The following FLRT1 variants were observed in gnomAD, a reference collection of about 807,000 sequenced individuals.
FLRT1 encodes the protein leucine-rich repeat transmembrane protein FLRT1.
FLRT1 carries 14 observed loss-of-function variants against 30.9 expected under a neutral mutation model. That is an observed-to-expected ratio of 0.45 (90% CI 0.30 to 0.71). The LOEUF (loss-of-function observed/expected upper bound fraction) is 0.71. Among genes scored for constraint, FLRT1 ranks in the 30% least tolerant of loss-of-function variants. The pLI is 0.08. For synonymous variants in FLRT1, 368 were observed against 430.4 expected (o/e 0.85, Z 1.80); for missense variants, 737 against 949.2 (o/e 0.78, Z 2.94).
At chr11:64,108,465 C>A (rs1944802660) in intron 2 of FLRT1, among the ~76,000 whole-genome samples, 1 of 152,230 alleles carries the variant, frequency 6.6e-6, no homozygotes, top group Non-Finnish European at 1.5e-5. Flanking sequence ...TCCCTGAGCA[C>A]CAGGAAGCAG....
chr11:64,068,222 A>T (rs1944041216), intron 1 of FLRT1, among the ~76,000 whole-genome samples: 1 of 152,106 alleles, frequency 6.6e-6, no homozygotes, highest in African/African-American at 2.4e-5. Context: ...GTGATGTGGC[A>T]CCTCCACGCG....
At chr11:64,097,192 C>G (rs1944591918) in intron 1 of FLRT1, among the ~76,000 whole-genome samples, 1 of 152,230 alleles carries the variant, frequency 6.6e-6, no homozygotes, top group African/African-American at 2.4e-5. Context: ...CCTGGCAGAA[C>G]TGGGCCTCCA....
chr11:64,083,598 G>A (rs1447882106), intron 1 of FLRT1, among the ~76,000 whole-genome samples: 1 of 152,198 alleles, frequency 6.6e-6, no homozygotes, highest in South Asian at 2.1e-4. Context: ...TTTCGAGAAC[G>A]AGCCGGGAAT....
At chr11:64,089,345 CG>C (rs1368539820) in intron 1 of FLRT1, among the ~76,000 whole-genome samples, 1 of 152,162 alleles carries the variant, frequency 6.6e-6, no homozygotes, top group East Asian at 1.9e-4. Context: ...GACCCAAACT[CG>C]GTCAAAATAG....
chr11:64,116,973 A>G lies in FLRT1; in HGVS notation c.706A>G (p.Asn236Asp). Residue 236 changes from asparagine (N) to aspartate (D), a missense_variant, in exon 3 of 3, where the codon AAC becomes GAC. Physicochemically the swap from Asn to Asp is conservative, Grantham distance 23. Transcript: ENST00000682287. ...RLVLDGNLLA[N>D]QRIADDTFSR... is the part of the protein sequence containing the mutation. ...GGTGCTGGACGGTAACCTGCTGGCC[A>G]ACCAGCGCATCGCCGACGACACCTT... The G allele has an allele frequency of 6.2e-7, 1 of 1,612,072 alleles. No homozygotes were observed. The highest frequency in any genetic ancestry group is 8.5e-7 in the Non-Finnish European group (1 of 1,179,966).
chr11:64,040,875 A>G (rs1000175657), intron 1 of FLRT1, among the ~76,000 whole-genome samples: 1 of 152,042 alleles, frequency 6.6e-6, no homozygotes, highest in African/African-American at 2.4e-5. Flanking sequence ...ACTGCCTCCC[A>G]GGCAGACCGC....
intron 1 of FLRT1, among the ~76,000 whole-genome samples, chr11:64,068,631 A>G (rs1944049138): frequency 6.6e-6 from 1 of 152,238 alleles, no homozygotes; most frequent in African/African-American, 2.4e-5. Flanking sequence ...ATAGGGTTCC[A>G]TGTGCAGAGG....
chr11:64,038,977 C>T (rs568105852), intron 1 of FLRT1, among the ~76,000 whole-genome samples: 2 of 152,110 alleles, frequency 1.3e-5, no homozygotes, highest in Admixed American at 1.3e-4. Context: ...GAGTTCATGC[C>T]TAGCAATGTG....
In FLRT1 at chr11:64,096,813, G is replaced by C. The variant is rs1290148453; in HGVS notation, c.-1037-6381G>C. Among the ~76,000 whole-genome samples, 12 of 152,220 alleles carry C rather than the reference G, an allele frequency of 7.9e-5. No homozygotes were observed. The highest frequency in any genetic ancestry group is 1.5e-5 in the Non-Finnish European group (1 of 68,034). Reference sequence around the variant, plus strand: ...GAAGAGGGCAGGCCTGTGGGGGGCTGCCGTGTCCCCATACCCTCCAAGCAC... The same window carrying C: ...GAAGAGGGCAGGCCTGTGGGGGGCTCCCGTGTCCCCATACCCTCCAAGCAC... On this transcript the variant is annotated intron_variant, in intron 1 of 2. Transcript: ENST00000682287. This position sits in a 1 kb window ranked among gnomAD's most constrained non-coding sequence, Gnocchi z 4.6.
At chr11:64,048,569 G>A (rs916360103) in intron 1 of FLRT1, among the ~76,000 whole-genome samples, 1 of 152,176 alleles carries the variant, frequency 6.6e-6, no homozygotes, top group East Asian at 1.9e-4. Context: ...AAGCAGGATG[G>A]TTAATAACAG....
At chr11:64,094,685 T>C (rs1207510643) in intron 1 of FLRT1, among the ~76,000 whole-genome samples, 3 of 152,162 alleles carry the variant, frequency 2.0e-5, no homozygotes, top group South Asian at 4.1e-4. Flanking sequence ...CATTTGTCTT[T>C]GGGAAAAGTG....
At position 64,106,236 on chromosome 11, in the gene FLRT1, C is replaced by A. The variant is rs150597570; in HGVS notation, c.-50+2055C>A. Among the ~76,000 whole-genome samples, 8 of 152,302 alleles carry A rather than the reference C, an allele frequency of 5.3e-5. No homozygotes were observed. In the East Asian group the frequency reaches 1.4e-3, roughly 26 times the overall value. The stretch of plus-strand genomic sequence containing the variant: ...ACCCCTCTGCCATCTGCTGCACAAT[C>A]CAGACCTTTCCCTTTGCCTCTTTGG... On this transcript the variant is annotated intron_variant, in intron 2 of 2. Transcript: ENST00000682287.
chr11:64,072,052 C>T (rs746106272), intron 1 of FLRT1, among the ~76,000 whole-genome samples: 4 of 151,664 alleles, frequency 2.6e-5, no homozygotes, highest in Non-Finnish European at 5.9e-5. Context: ...GCACTAAATC[C>T]TCCCGGCAGA....
chr11:64,089,615 G>A (rs1278404697), intron 1 of FLRT1, among the ~76,000 whole-genome samples: 1 of 152,236 alleles, frequency 6.6e-6, no homozygotes, highest in African/African-American at 2.4e-5. Flanking sequence ...TGTTCTCAGA[G>A]CAAGGAACTC....
intron 2 of FLRT1, among the ~76,000 whole-genome samples, chr11:64,105,515 C>A (rs978521987): frequency 5.3e-5 from 8 of 152,332 alleles, no homozygotes; most frequent in Admixed American, 5.2e-4. Context: ...CAGCCTGTCC[C>A]CTCCACACAG....
intron 2 of FLRT1, among the ~76,000 whole-genome samples, chr11:64,113,335 G>T (rs533144302): frequency 2.6e-4 from 39 of 152,338 alleles, no homozygotes; most frequent in Admixed American, 2.4e-3. Flanking sequence ...TATAGTAGAT[G>T]CTCAATAAAG....
rs573780646 is a variant in FLRT1, at chr11:64,065,279, G to A, written c.-1038+29120G>A. On this transcript the variant is annotated intron_variant, in intron 1 of 2. Coordinates refer to ENST00000682287, the MANE Select transcript of FLRT1 (RefSeq NM_013280.5). The stretch of plus-strand genomic sequence containing the variant: ...AGTGAGGCGGTGGGTGGGCAGGATC[G>A]GGCAGGTGGCGGGCAAGCGTCAGCT... Among the ~76,000 whole-genome samples, 4 of 152,294 alleles carry A rather than the reference G, an allele frequency of 2.6e-5. No homozygotes were observed. In the South Asian group the frequency reaches 6.2e-4, roughly 24 times the overall value.
At chr11:64,089,079 G>A (rs891414359) in intron 1 of FLRT1, among the ~76,000 whole-genome samples, 3 of 152,190 alleles carry the variant, frequency 2.0e-5, no homozygotes, top group African/African-American at 4.8e-5. Flanking sequence ...CCCTCCCTCC[G>A]GCCTGCTGCT....
rs1364151513 is a variant in FLRT1, at chr11:64,090,884, G to A, written c.-1037-12310G>A. Among the ~76,000 whole-genome samples, 1 of 152,076 alleles carries A rather than the reference G, an allele frequency of 6.6e-6. No individual in the cohort carries two copies. Among genetic ancestry groups the A allele is most frequent in the African/African-American group, 2.4e-5 (1 of 41,408 alleles). On this transcript the variant is annotated intron_variant, in intron 1 of 2. Coordinates refer to ENST00000682287, the MANE Select transcript of FLRT1 (RefSeq NM_013280.5). This position sits in a 1 kb window ranked among gnomAD's most constrained non-coding sequence, Gnocchi z 4.7. ...CCCTGAGGGACGAAGTAAAGCAGGAGAGGGCAGGGGGAGGGACAGCCAGGG... is the reference window on the plus strand; with the variant it reads ...CCCTGAGGGACGAAGTAAAGCAGGAAAGGGCAGGGGGAGGGACAGCCAGGG...
Sources: allele counts gnomAD v4.1 joint callset (sites outside exome capture counted in the v4.1 genomes callset), GRCh38; gene constraint gnomAD v4.1.1; non-coding constraint Gnocchi (gnomAD v3.1); transcripts MANE v1.5; gene names NCBI Gene and HGNC (gene_info 2026-07-23, HGNC 2026-07-21).